The following RGS6 variants were observed in gnomAD, a reference collection of about 807,000 sequenced individuals.
RGS6 encodes the protein regulator of G protein signaling 6, also known as regulator of G-protein signaling 6.
In RGS6, 30 loss-of-function variants were observed where a neutral mutation model predicts 78.5. The ratio of observed to expected loss-of-function variants is 0.38; its 90% CI spans 0.29 to 0.52. The LOEUF is 0.52. Among genes scored for constraint, RGS6 ranks in the 20% least tolerant of loss-of-function variants. The pLI is 0.85. For synonymous variants in RGS6, 206 were observed against 206.0 expected, an observed-to-expected ratio of 1.00 and a Z score of 0.00; for missense variants, 495 against 609.7, an observed-to-expected ratio of 0.81 and a Z score of 1.98.
Position 71,950,180 on chromosome 14 carries a change from A to G in RGS6, c.-20-14592A>G, listed in dbSNP as rs560402288. On this transcript the variant is annotated intron_variant, in intron 1 of 17. Transcript: ENST00000553525. Reference sequence around the variant, plus strand: ...ATCACTCTACCTGACTTCAAACTATACTACAAAGTGACAGTCACCAGAACA... The same window carrying G: ...ATCACTCTACCTGACTTCAAACTATGCTACAAAGTGACAGTCACCAGAACA... Among the ~76,000 whole-genome samples, 3 of 152,338 alleles carry G rather than the reference A, an allele frequency of 2.0e-5. No homozygotes were observed. In the South Asian group the frequency reaches 6.2e-4, roughly 32 times the overall value.
chr14:72,555,835 A>G (rs537736074), intron 17 of RGS6, among the ~76,000 whole-genome samples: 4 of 152,366 alleles, frequency 2.6e-5, no homozygotes, highest in African/African-American at 9.6e-5. Flanking sequence ...CAGACACACA[A>G]TAGTTGCTCA....
Position 72,476,734 on chromosome 14 carries a change from TCTC to T in RGS6, c.694-5_694-3del, listed in dbSNP as rs778167547. The T allele has an allele frequency of 2.7e-5, 43 of 1,613,508 alleles. No homozygotes were observed. The African/African-American group carries it at 3.3e-4, about 13-fold the overall frequency. On this transcript the variant is annotated splice_region_variant and splice_polypyrimidine_tract_variant and intron_variant, in intron 10 of 17. Transcript: ENST00000553525. ...TGGATGATCCTCTGTGCTTGCTTCT[TCTC>T]CTAGTCCGTGTATGGCGTGACTGAA... is the stretch of plus-strand genomic sequence containing the variant.
At chr14:72,561,155 C>T (rs145439927) in intron 17 of RGS6, among the ~76,000 whole-genome samples, 6 of 152,264 alleles carry the variant, frequency 3.9e-5, no homozygotes, top group Non-Finnish European at 5.9e-5. Flanking sequence ...AGGACCCTAC[C>T]AGGCTTCACA....
intron 12 of RGS6, among the ~76,000 whole-genome samples, chr14:72,488,682 C>T (rs983105936): frequency 6.6e-6 from 1 of 152,214 alleles, no homozygotes; most frequent in African/African-American, 2.4e-5. Context: ...CAGCTGGAGC[C>T]TGCAGGCTCC....
chr14:71,984,320 A>C (rs867558584), intron 2 of RGS6, among the ~76,000 whole-genome samples: 223 of 103,190 alleles, frequency 2.2e-3, no homozygotes, highest in Middle Eastern at 0.011. Flanking sequence ...AAAAAAAAAA[A>C]AACAAAGCTG....
intron 2 of RGS6, among the ~76,000 whole-genome samples, chr14:72,189,685 G>T (rs2097297800): frequency 6.6e-6 from 1 of 152,130 alleles, no homozygotes; most frequent in African/African-American, 2.4e-5. Flanking sequence ...CATTCAACCA[G>T]GACCAAAAGA....
At chr14:72,444,927 A>C (rs937014730) in intron 3 of RGS6, among the ~76,000 whole-genome samples, 2 of 21,846 alleles carry the variant, frequency 9.2e-5, no homozygotes, top group African/African-American at 2.9e-4. Flanking sequence ...AGGGAAAATT[A>C]TCCGCTGGAC....
chr14:71,873,523 C>T, the RGS6 span, among the ~76,000 whole-genome samples: 37 of 152,108 alleles, frequency 2.4e-4, no homozygotes, highest in Non-Finnish European at 2.5e-4. Flanking sequence ...TTTAAGTTCT[C>T]TGTAGATTCT....
intron 2 of RGS6, among the ~76,000 whole-genome samples, chr14:72,089,706 G>T (rs775491881): frequency 5.3e-4 from 80 of 152,330 alleles, no homozygotes; most frequent in Non-Finnish European, 9.8e-4. Flanking sequence ...TAATGCGTTT[G>T]AGTTCCTTTG....
chr14:72,251,876 A>G (rs1237749485), intron 2 of RGS6, among the ~76,000 whole-genome samples: 3 of 152,244 alleles, frequency 2.0e-5, no homozygotes, highest in Non-Finnish European at 4.4e-5. Context: ...GTTGAAAAGA[A>G]AAGAAAAATG....
chr14:72,288,428 A>C (rs2062980531), intron 2 of RGS6, among the ~76,000 whole-genome samples: 1 of 152,222 alleles, frequency 6.6e-6, no homozygotes, highest in South Asian at 2.1e-4. Context: ...CCTCAATACT[A>C]GGACAGTTTG....
intron 2 of RGS6, among the ~76,000 whole-genome samples, chr14:72,279,926 A>T (rs938935230): frequency 2.0e-5 from 3 of 152,234 alleles, no homozygotes; most frequent in African/African-American, 7.2e-5. Context: ...TGAGAGATCA[A>T]ACAAGATTCT....
chr14:72,424,891 A>T (rs1163347200), intron 3 of RGS6, among the ~76,000 whole-genome samples: 1 of 152,144 alleles, frequency 6.6e-6, no homozygotes, highest in Non-Finnish European at 1.5e-5. Context: ...GTTTCTGCAT[A>T]TTTCAGTTTA....
At chr14:72,414,800 A>G (rs2153073543) in intron 3 of RGS6, among the ~76,000 whole-genome samples, 1 of 151,930 alleles carries the variant, frequency 6.6e-6, no homozygotes, top group East Asian at 1.9e-4. Context: ...GGTCTGTTGG[A>G]GTTTGCTGGA....
At chr14:72,459,529 G>A in intron 5 of RGS6, 103 bp from the exon 6 acceptor site, 1 of 1,024,200 alleles carries the variant, frequency 9.8e-7, no homozygotes. Context: ...CAGCAAGAAG[G>A]AGATGGGGGA....
chr14:72,454,470 T>G (rs2095578439), intron 3 of RGS6, 58 bp from the exon 4 acceptor site: 1 of 1,521,364 alleles, frequency 6.6e-7, no homozygotes, highest in African/African-American at 1.4e-5. Context: ...ACATGTTTCT[T>G]CTGCCACAGT....
At chr14:72,352,264 C>G (rs2079242365) in intron 3 of RGS6, 70 bp downstream of exon 3, 2 of 1,119,734 alleles carry the variant, frequency 1.8e-6, no homozygotes, top group East Asian at 4.9e-5. Context: ...AGATTGCGGC[C>G]TGAGGGGTGT....
At chr14:72,384,654 G>T (rs1254442288) in intron 3 of RGS6, among the ~76,000 whole-genome samples, 1 of 152,188 alleles carries the variant, frequency 6.6e-6, no homozygotes, top group African/African-American at 2.4e-5. Flanking sequence ...TTCCCCGAGT[G>T]TCAGTAGGAA....
the RGS6 span, among the ~76,000 whole-genome samples, chr14:71,901,762 C>T: frequency 7.9e-5 from 12 of 152,094 alleles, no homozygotes; most frequent in South Asian, 4.2e-4. Context: ...ATATGATAGC[C>T]ATGTCTCCTT....
Sources: gnomAD v4.1 joint callset for allele counts (sites outside exome capture counted in the v4.1 genomes callset) on GRCh38, gnomAD v4.1.1 for gene constraint, MANE v1.5 for transcripts, NCBI Gene and HGNC (gene_info 2026-07-23, HGNC 2026-07-21) for gene names.